The following TRAK2 variants were observed in gnomAD, a reference collection of about 807,000 sequenced individuals.
The protein encoded by TRAK2 is trafficking kinesin-binding protein 2.
TRAK2 carries 81 observed loss-of-function variants against 104.6 expected under a neutral mutation model. The observed-to-expected ratio is 0.77, with a 90% confidence interval of 0.65 to 0.93. The LOEUF (loss-of-function observed/expected upper bound fraction) is 0.93. Among genes scored for constraint, TRAK2 ranks in the 40% least tolerant of loss-of-function variants. TRAK2 has a pLI of 0.00. For synonymous variants in TRAK2, 406 were observed against 394.4 expected (o/e 1.03, Z -0.35); for missense variants, 1,002 against 1,089.0 (o/e 0.92, Z 1.12).
At chr2:201,430,011 T>C (rs1951827592) in intron 1 of TRAK2, among the ~76,000 whole-genome samples, 1 of 152,222 alleles carries the variant, frequency 6.6e-6, no homozygotes, top group Admixed American at 6.5e-5. Flanking sequence ...GGTTTTGGTG[T>C]GGATGACCTT....
At chr2:201,411,357 C>T in intron 2 of TRAK2, 1 of 743,898 alleles carries the variant, frequency 1.3e-6, no homozygotes, top group East Asian at 2.5e-5. Flanking sequence ...GGAATCACTG[C>T]CAGTCAGAAG....
At chr2:201,392,774 A>C in intron 10 of TRAK2, 135 bp downstream of exon 10, 1 of 818,454 alleles carries the variant, frequency 1.2e-6, no homozygotes, top group South Asian at 2.0e-5. Context: ...GGCCTAAATC[A>C]ATAATTGGAG....
At chr2:201,392,882 T>C (rs377563861) in intron 10 of TRAK2, 27 bp downstream of exon 10, 37 of 1,595,366 alleles carry the variant, frequency 2.3e-5, no homozygotes, top group Non-Finnish European at 1.5e-5. Context: ...TTTCTTTAAA[T>C]ACATAGCATC....
At chr2:201,396,416 G>A (rs552278403) in intron 7 of TRAK2, among the ~76,000 whole-genome samples, 1 of 152,172 alleles carries the variant, frequency 6.6e-6, no homozygotes, top group South Asian at 2.1e-4. Flanking sequence ...TGTTTTCAAT[G>A]TAAAAGGCTA....
At chr2:201,387,526 CTTCA>C (rs1343496109) in intron 13 of TRAK2, among the ~76,000 whole-genome samples, 173 bp downstream of exon 13, 3 of 152,100 alleles carry the variant, frequency 2.0e-5, no homozygotes, top group Non-Finnish European at 4.4e-5. Context: ...ATGCAACTCT[CTTCA>C]TTCATTAATT....
chr2:201,426,013 A>C (rs1049846459), intron 1 of TRAK2, among the ~76,000 whole-genome samples: 26 of 152,134 alleles, frequency 1.7e-4, no homozygotes, highest in Non-Finnish European at 4.4e-5. Context: ...ATCACATAGG[A>C]ACACAAAAAT....
chr2:201,428,225 A>G (rs1318357414), intron 1 of TRAK2, among the ~76,000 whole-genome samples: 1 of 152,308 alleles, frequency 6.6e-6, no homozygotes, highest in East Asian at 1.9e-4. Flanking sequence ...TTGGTGTTTT[A>G]GACATGAAGT....
chr2:201,394,140 C>T (rs1482423351), intron 9 of TRAK2, among the ~76,000 whole-genome samples: 1 of 151,990 alleles, frequency 6.6e-6, no homozygotes, highest in African/African-American at 2.4e-5. Context: ...TTTTTTGCTT[C>T]TTCTCCTGAC....
In TRAK2 at chr2:201,447,631, A is replaced by G. The variant is rs1576542793; in HGVS notation, c.-200+3719T>C. Among the ~76,000 whole-genome samples the G allele has an allele frequency of 1.3e-5, 2 of 152,184 alleles. No homozygotes were observed. The highest frequency in any genetic ancestry group is 6.8e-3 in the Middle Eastern group (2 of 294). ...CTTTTTGTGCTCAAATTTCCTTCTTATAAGGAAAACTGTCAGACTGGATTA... is the reference window on the plus strand; with the variant it reads ...CTTTTTGTGCTCAAATTTCCTTCTTGTAAGGAAAACTGTCAGACTGGATTA... On this transcript the variant is annotated intron_variant, in intron 1 of 15. Coordinates refer to ENST00000332624, the MANE Select transcript of TRAK2 (RefSeq NM_015049.3). This position sits in a 1 kb window ranked among gnomAD's most constrained non-coding sequence, Gnocchi z 4.1.
chr2:201,425,848 A>G (rs1360208723), intron 1 of TRAK2, among the ~76,000 whole-genome samples: 1 of 152,228 alleles, frequency 6.6e-6, no homozygotes, highest in Non-Finnish European at 1.5e-5. Context: ...TGATTCTCAA[A>G]CAGAGCTGCG....
intron 1 of TRAK2, among the ~76,000 whole-genome samples, chr2:201,422,487 C>T (rs1951751163): frequency 6.6e-6 from 1 of 151,694 alleles, no homozygotes; most frequent in African/African-American, 2.4e-5. Flanking sequence ...TCACAGGCAT[C>T]ATAAATATTC....
At chr2:201,413,887 C>T (rs1478737042) in intron 2 of TRAK2, among the ~76,000 whole-genome samples, 6 of 152,180 alleles carry the variant, frequency 3.9e-5, no homozygotes, top group Admixed American at 3.9e-4. Flanking sequence ...GTCTAATCTA[C>T]TTATTGTCCT....
At chr2:201,411,472 T>G in intron 2 of TRAK2, 1 of 744,362 alleles carries the variant, frequency 1.3e-6, no homozygotes, top group South Asian at 1.3e-5. Flanking sequence ...TCCAAAGATT[T>G]CTGTTGTTCT....
intron 1 of TRAK2, among the ~76,000 whole-genome samples, chr2:201,443,971 T>C (rs1006069587): frequency 2.0e-5 from 3 of 152,082 alleles, no homozygotes; most frequent in Admixed American, 6.6e-5. Context: ...GAGGCCAAGG[T>C]GGGCAGATCA....
At position 201,450,598 on chromosome 2, in the gene TRAK2, C is replaced by T. The variant is rs376900616; in HGVS notation, c.-200+752G>A. On this transcript the variant is annotated intron_variant, in intron 1 of 15. Transcript: ENST00000332624. ...AAGTCAACAGCAAAGATCTAAAGGT[C>T]GGGAAGATTTACGGAGACCAAGAAC... Among the ~76,000 whole-genome samples the T allele has an allele frequency of 5.5e-4, 83 of 151,990 alleles. No homozygotes were observed. The South Asian group carries it at 9.1e-3, about 17-fold the overall frequency.
At chr2:201,391,815 C>T (rs899009212) in intron 10 of TRAK2, among the ~76,000 whole-genome samples, 3 of 152,106 alleles carry the variant, frequency 2.0e-5, no homozygotes, top group Non-Finnish European at 4.4e-5. Flanking sequence ...ATGCATCAGA[C>T]AATCCTAAAC....
Position 201,380,630 on chromosome 2 carries a change from C to A in TRAK2, c.2658G>T (p.Arg886Ser). Residue 886 changes from arginine (R) to serine (S), a missense_variant, in exon 16 of 16, where the codon AGG becomes AGT. Coordinates refer to ENST00000332624, the MANE Select transcript of TRAK2 (RefSeq NM_015049.3). Reference protein sequence around the residue: ...SGSSLLGGLRRNQSLPVIMGS... With the variant: ...SGSSLLGGLRSNQSLPVIMGS... ...CCATTATGACTGGAAGACTCTGATTCCTCCTTAGTCCACCTAATAAACTGC... is the reference window on the plus strand; with the variant it reads ...CCATTATGACTGGAAGACTCTGATTACTCCTTAGTCCACCTAATAAACTGC... 1 of 1,614,068 alleles carries A rather than the reference C, an allele frequency of 6.2e-7. No individual in the cohort carries two copies. Among genetic ancestry groups the A allele is most frequent in the South Asian group, 1.1e-5 (1 of 91,084 alleles).
At chr2:201,405,875 A>C (rs1951590428) in intron 3 of TRAK2, among the ~76,000 whole-genome samples, 1 of 152,112 alleles carries the variant, frequency 6.6e-6, no homozygotes, top group African/African-American at 2.4e-5. Flanking sequence ...CCAGCTACTC[A>C]GGAGGCTGAG....
At chr2:201,396,924 C>T (rs1173777117) in intron 7 of TRAK2, among the ~76,000 whole-genome samples, 10 of 152,086 alleles carry the variant, frequency 6.6e-5, no homozygotes, top group Admixed American at 5.9e-4. Flanking sequence ...CAGTTGGCCA[C>T]GGTTAACAGA....
Sources: allele counts gnomAD v4.1 joint callset (sites outside exome capture counted in the v4.1 genomes callset), GRCh38; gene constraint gnomAD v4.1.1; non-coding constraint Gnocchi (gnomAD v3.1); transcripts MANE v1.5; gene names NCBI Gene and HGNC (gene_info 2026-07-23, HGNC 2026-07-21).